The following TSHZ3 variants were observed in gnomAD, a reference collection of about 807,000 sequenced individuals.
TSHZ3 encodes the protein teashirt homolog 3.
In TSHZ3, 10 loss-of-function variants were observed where a neutral mutation model predicts 64.5. The ratio of observed to expected loss-of-function variants is 0.16; its 90% CI spans 0.10 to 0.26. The LOEUF is 0.26. TSHZ3 is among the 10% of genes least tolerant of loss of function. TSHZ3 has a pLI of 1.00. For missense variants in TSHZ3, 1,242 were observed against 1,421.7 expected (o/e 0.87, Z 2.03); for synonymous variants, 608 against 593.1 (o/e 1.03, Z -0.36).
At chr19:31,301,072 A>G (rs1599635292) in intron 1 of TSHZ3, among the ~76,000 whole-genome samples, 1 of 152,288 alleles carries the variant, frequency 6.6e-6, no homozygotes, top group East Asian at 1.9e-4. Flanking sequence ...ATTTTTCATT[A>G]CCATTAGCAA....
chr19:31,161,089 A>ATG (rs1182226301), intron 5 of TSHZ3, among the ~76,000 whole-genome samples: 4 of 152,132 alleles, frequency 2.6e-5, no homozygotes, highest in Non-Finnish European at 4.4e-5. Context: ...GTGCGTGTGT[A>ATG]TGTGTGTGTG....
At chr19:31,193,387 C>G (rs1180994627) in intron 5 of TSHZ3, among the ~76,000 whole-genome samples, 1 of 152,158 alleles carries the variant, frequency 6.6e-6, no homozygotes, top group African/African-American at 2.4e-5. Context: ...GTGGCCATGT[C>G]CCCAGATGCC....
chr19:31,250,641 G>GGGGAAGACAGGCTATTGA (rs1975827502), intron 1 of TSHZ3, among the ~76,000 whole-genome samples: 1 of 152,150 alleles, frequency 6.6e-6, no homozygotes, highest in African/African-American at 2.4e-5. Context: ...AACCGTTTTG[G>GGGGAAGACAGGCTATTGA]GGGAAGACAG....
chr19:31,229,832 C>T (rs370924039), intron 3 of TSHZ3, among the ~76,000 whole-genome samples: 1 of 152,110 alleles, frequency 6.6e-6, no homozygotes, highest in Non-Finnish European at 1.5e-5. Flanking sequence ...TGCAAGCTGT[C>T]AAAGATGTGC....
intron 1 of TSHZ3, among the ~76,000 whole-genome samples, chr19:31,246,256 A>T (rs1975756634): frequency 6.6e-6 from 1 of 152,252 alleles, no homozygotes; most frequent in South Asian, 2.1e-4. Context: ...GTCTGGAAAG[A>T]TTCATACCAA....
chr19:31,200,807 G>C lies in TSHZ3; in HGVS notation n.809+4149C>G, dbSNP rs573479605. On this transcript the variant is annotated intron_variant and non_coding_transcript_variant, in intron 5 of 6. Transcript: ENST00000651361. ...ACCACAGTGTGGGCTGTTGGTAATG[G>C]GAGGCTGTGCATGTGTGTGGGAAGG... 9.2e-5 allele frequency among the ~76,000 whole-genome samples: 14 copies of C among 152,256 alleles called. No homozygotes were observed. In the East Asian group the frequency reaches 2.7e-3, roughly 29 times the overall value.
Position 31,259,521 on chromosome 19 carries a change from G to T in TSHZ3, n.64-16646C>A, listed in dbSNP as rs568955518. On this transcript the variant is annotated intron_variant and non_coding_transcript_variant, in intron 1 of 6. Coordinates refer to the TSHZ3 transcript ENST00000651361. ...TGCGTCTGAGAAATGGTCGTTCCCTGCTAGGCACATGGGCTGGGGTCTGTG... is the reference window on the plus strand; with the variant it reads ...TGCGTCTGAGAAATGGTCGTTCCCTTCTAGGCACATGGGCTGGGGTCTGTG... Among the ~76,000 whole-genome samples the T allele has an allele frequency of 7.2e-5, 11 of 152,088 alleles. No individual in the cohort carries two copies. In the South Asian group the frequency reaches 2.1e-3, roughly 29 times the overall value.
rs771527630 is a variant in TSHZ3, at chr19:31,279,331, A to ACTGCTG, written c.456_461dup (p.Ser158_Ser159dup). The ACTGCTG allele has an allele frequency of 7.4e-6, 12 of 1,612,482 alleles. No homozygotes were observed. The East Asian group carries it at 2.5e-4, about 33-fold the overall frequency. Reference sequence around the variant, plus strand: ...CGCTGCCACAGCTGCTGCTGCTGCTACTGCTGCTGCTGCTGCTGCCGTTGT... The same window carrying ACTGCTG: ...CGCTGCCACAGCTGCTGCTGCTGCTACTGCTGCTGCTGCTGCTGCTGCTGCCGTTGT... On this transcript the variant is annotated inframe_insertion, in exon 2 of 2. Transcript: ENST00000240587. The surrounding 1 kb of genome is among the most constrained non-coding windows in gnomAD (Gnocchi z 6.4).
chr19:31,249,908 C>A (rs1166943958), intron 1 of TSHZ3, among the ~76,000 whole-genome samples: 1 of 152,234 alleles, frequency 6.6e-6, no homozygotes, highest in African/African-American at 2.4e-5. Flanking sequence ...TAACTAGCAG[C>A]AATGACTCTG....
intron 1 of TSHZ3, chr19:31,305,829 C>T (rs1050102254): frequency 6.6e-6 from 1 of 152,190 alleles, no homozygotes; most frequent in Non-Finnish European, 1.5e-5. Context: ...CAGCAAATAT[C>T]TTTAACCATC....
intron 6 of TSHZ3, among the ~76,000 whole-genome samples, chr19:31,155,171 G>C (rs1055769697): frequency 6.6e-6 from 1 of 152,158 alleles, no homozygotes; most frequent in African/African-American, 2.4e-5. Context: ...CCTCACAGCC[G>C]CCTGAACATT....
chr19:31,187,386 C>A (rs1367570743), intron 5 of TSHZ3, among the ~76,000 whole-genome samples: 2 of 120,192 alleles, frequency 1.7e-5, no homozygotes, highest in Non-Finnish European at 3.4e-5. Flanking sequence ...TGTACCAATT[C>A]ACGTTTAATC....
At chr19:31,291,989 G>A (rs1222987875) in intron 1 of TSHZ3, among the ~76,000 whole-genome samples, 1 of 152,210 alleles carries the variant, frequency 6.6e-6, no homozygotes, top group East Asian at 1.9e-4. Flanking sequence ...GGTAAAGGAA[G>A]TAAGCTGCCT....
chr19:31,155,030 A>G (rs1025841924), intron 6 of TSHZ3, among the ~76,000 whole-genome samples: 1 of 152,234 alleles, frequency 6.6e-6, no homozygotes, highest in East Asian at 1.9e-4. Context: ...AGAAGTCCTG[A>G]AAGCATCTTT....
intron 1 of TSHZ3, among the ~76,000 whole-genome samples, chr19:31,288,483 G>A (rs988537998): frequency 6.6e-6 from 1 of 152,174 alleles, no homozygotes; most frequent in Admixed American, 6.5e-5. Context: ...GAGGAGACAG[G>A]AGGGGACAGT....
chr19:31,277,682 C>T lies in TSHZ3; in HGVS notation c.2111G>A (p.Gly704Asp). The change falls in exon 2 of 2, where the codon GGC becomes GAC. Residue 704 changes from glycine (G) to aspartate (D), a missense_variant. Transcript: ENST00000240587. The surrounding 1 kb of genome is among the most constrained non-coding windows in gnomAD (Gnocchi z 4.5). ...GTGGTCGGTGATGATGGCCGTGCTG[C>T]CACTCAAACTGCTGGCTAGGGGCTT... ...LVKPLASSLS[G>D]STAIITDHPP... 2.6e-6 allele frequency: 4 copies of T among 1,526,702 alleles called. No individual in the cohort carries two copies. The highest frequency in any genetic ancestry group is 2.3e-5 in the East Asian group (1 of 44,148). The allele number at this position is 1,526,702 out of a possible 1,614,324, so 94.6% of individuals were successfully genotyped here. A position where few individuals can be genotyped will look rare whatever the true frequency, so the allele number is the denominator to read the frequency against.
chr19:31,326,535 C>T (rs752235493), intron 1 of TSHZ3, among the ~76,000 whole-genome samples: 5 of 152,352 alleles, frequency 3.3e-5, no homozygotes, highest in Admixed American at 6.5e-5. Context: ...TGCATGAGCA[C>T]GCGTACACAC....
At chr19:31,259,566 G>A (rs1975958372) in intron 1 of TSHZ3, among the ~76,000 whole-genome samples, 1 of 152,138 alleles carries the variant, frequency 6.6e-6, no homozygotes, top group Non-Finnish European at 1.5e-5. Flanking sequence ...GCAGAGGGAG[G>A]GCAGGGAGGC....
chr19:31,157,669 A>C (rs1200970983), intron 5 of TSHZ3, among the ~76,000 whole-genome samples: 1 of 152,230 alleles, frequency 6.6e-6, no homozygotes, highest in African/African-American at 2.4e-5. Context: ...ACCTAAGTAC[A>C]GGAAAGTGGC....
Sources: allele counts gnomAD v4.1 joint callset (sites outside exome capture counted in the v4.1 genomes callset), GRCh38; gene constraint gnomAD v4.1.1; non-coding constraint Gnocchi (gnomAD v3.1); transcripts MANE v1.5; gene names NCBI Gene and HGNC (gene_info 2026-07-23, HGNC 2026-07-21).